Variants in SULT1A1 observed in about 807,000 individuals in gnomAD.
SULT1A1 encodes the protein sulfotransferase 1A1.
Under a neutral mutation model 36.8 loss-of-function variants are expected in SULT1A1, and 35 were observed. That is an observed-to-expected ratio of 0.95 (90% CI 0.73 to 1.26). The LOEUF (loss-of-function observed/expected upper bound fraction) is 1.26. SULT1A1 is among the 50% of genes most tolerant of loss of function. The probability of loss-of-function intolerance (pLI) is 0.00; values close to 1 mark genes in which losing one functional copy is unlikely to be tolerated. For synonymous variants in SULT1A1, 119 were observed against 146.0 expected (o/e 0.82, Z 1.33); for missense variants, 309 against 383.0 (o/e 0.81, Z 1.61).
upstream of SULT1A1, chr16:28,610,146 G>A (rs541203565): frequency 2.3e-6 from 3 of 1,285,752 alleles, no homozygotes; most frequent in South Asian, 3.7e-5. Context: ...TAGTGTGCCA[G>A]CTGGAGACAA....
intron 2 of SULT1A1, among the ~76,000 whole-genome samples, chr16:28,615,250 G>C (rs1483040329): frequency 2.6e-5 from 3 of 113,208 alleles, no homozygotes; most frequent in Admixed American, 9.6e-5. Flanking sequence ...AGGGAGCACC[G>C]GGTCCTTGCC....
chr16:28,610,735 T>C (rs1489830427), upstream of SULT1A1: 1 of 153,680 alleles, frequency 6.5e-6, no homozygotes, highest in Non-Finnish European at 1.5e-5. Context: ...TGGTTTTATT[T>C]CCCTGGGTTT....
chr16:28,614,072 AGCCCCAG>A (rs1408299137), upstream of SULT1A1: 6 of 200,990 alleles, frequency 3.0e-5, no homozygotes, highest in Admixed American at 6.1e-5. Context: ...GCTTCAGCCT[AGCCCCAG>A]GCCCTGCCCC....
rs1016797930 is a variant in SULT1A1, at chr16:28,609,150, T to C, written c.-4-291A>G. The C allele has an allele frequency of 3.5e-5, 49 of 1,388,354 alleles. 1 individual carries two copies. Among genetic ancestry groups the C allele is most frequent in the Non-Finnish European group, 4.4e-5 (47 of 1,067,958 alleles). The allele number at this position is 1,388,354 out of a possible 1,614,324, so 86.0% of individuals were successfully genotyped here. A position where few individuals can be genotyped will look rare whatever the true frequency, so the allele number is the denominator to read the frequency against. ...ACCCTCGTCGGGCAAGGCCCAGATGTCAGGGTGTGTGAAGGTCTCCAGGAG... is the reference window on the plus strand; with the variant it reads ...ACCCTCGTCGGGCAAGGCCCAGATGCCAGGGTGTGTGAAGGTCTCCAGGAG... On this transcript the variant is annotated intron_variant, in intron 1 of 7. Transcript: ENST00000314752.
intron 1 of SULT1A1, chr16:28,609,509 A>C: frequency 1.7e-5 from 15 of 883,284 alleles, no homozygotes; most frequent in Non-Finnish European, 2.1e-5. Context: ...CCCACCTATA[A>C]TCCCAGACCC....
rs1335315188 is a variant in SULT1A1, at chr16:28,607,049, T to A, written c.401A>T (p.Asp134Val). ...KVVYVARNAKDVAVSYYHFYH... is the reference protein window; with the variant it reads ...KVVYVARNAKVVAVSYYHFYH... ...GAAGTGGTAGTAGGAAACTGCCACATCCTTTGCGTTGCGGGCAACATAGAC... is the reference window on the plus strand; with the variant it reads ...GAAGTGGTAGTAGGAAACTGCCACAACCTTTGCGTTGCGGGCAACATAGAC... The change falls in exon 5 of 8, where the codon GAT becomes GTT. Residue 134 changes from aspartate (D) to valine (V), a missense_variant. Transcript: ENST00000314752. The A allele has an allele frequency of 6.2e-7, 1 of 1,612,440 alleles. No homozygotes were observed. Among genetic ancestry groups the A allele is most frequent in the Non-Finnish European group, 8.5e-7 (1 of 1,178,690 alleles).
intron 1 of SULT1A1, among the ~76,000 whole-genome samples, chr16:28,620,967 G>C (rs8049739): frequency 0.6 from 91,298 of 151,736 alleles, 28,513 homozygotes; most frequent in East Asian, 0.94. Flanking sequence ...AAAATTAGCT[G>C]GGTGTGGTGG....
chr16:28,605,365 G>T lies in SULT1A1; in HGVS notation c.*456C>A. ...AGCCCACTGCAGCCATAACCTCCCT[G>T]GCTCAGGCGATCCTCCTGCCTTCAC... is the stretch of plus-strand genomic sequence containing the variant. On this transcript the variant is annotated 3_prime_UTR_variant, in exon 8 of 8. Coordinates refer to ENST00000314752, the MANE Select transcript of SULT1A1 (RefSeq NM_001055.4). The T allele has an allele frequency of 3.7e-6, 1 of 271,304 alleles. No individual in the cohort carries two copies. Among genetic ancestry groups the T allele is most frequent in the Non-Finnish European group, 7.3e-6 (1 of 137,632 alleles). 16.8% of individuals were successfully genotyped at this position (271,304 alleles called of 1,614,324 possible).
chr16:28,605,814 G>A lies in SULT1A1; in HGVS notation c.*7C>T, dbSNP rs536362729. On this transcript the variant is annotated 3_prime_UTR_variant, in exon 8 of 8. Coordinates refer to ENST00000314752, the MANE Select transcript of SULT1A1 (RefSeq NM_001055.4). The stretch of plus-strand genomic sequence containing the variant: ...CACTCCCTCTGCAGTGACTCCAGGA[G>A]CCCCTCTCACAGCTCAGAGCGGAAG... 72 of 1,609,538 alleles carry A rather than the reference G, an allele frequency of 4.5e-5. 1 individual carries two copies. Among genetic ancestry groups the A allele is most frequent in the East Asian group, 3.1e-4 (14 of 44,856 alleles).
chr16:28,608,192 G>T, intron 4 of SULT1A1, 99 bp downstream of exon 4: 1 of 1,504,240 alleles, frequency 6.6e-7, no homozygotes, highest in Non-Finnish European at 9.1e-7. Flanking sequence ...CTTCTATGTT[G>T]CTCAGGGTGC....
intron 2 of SULT1A1, among the ~76,000 whole-genome samples, chr16:28,619,759 T>TATATCCAC (rs1174655324): frequency 3.4e-5 from 5 of 148,156 alleles, no homozygotes; most frequent in Admixed American, 6.8e-5. Flanking sequence ...TACATATATA[T>TATATCCAC]ATATAGACAC....
At chr16:28,620,450 G>A (rs1326098488) in intron 1 of SULT1A1, among the ~76,000 whole-genome samples, 1 of 151,360 alleles carries the variant, frequency 6.6e-6, no homozygotes, top group African/African-American at 2.4e-5. Context: ...TGTAGTCATA[G>A]TTACTCAGGA....
rs1198920401 is a variant in SULT1A1 at position 28,605,741 on chromosome 16, C to A, written c.*80G>T. The stretch of plus-strand genomic sequence containing the variant: ...CAGACATGACCTACCGTCCCGGGCC[C>A]TCAATTCATATTTTATTCTTGAGCC... On this transcript the variant is annotated 3_prime_UTR_variant, in exon 8 of 8. Coordinates refer to ENST00000314752, the MANE Select transcript of SULT1A1 (RefSeq NM_001055.4). The A allele has an allele frequency of 1.9e-5, 30 of 1,599,026 alleles. No individual in the cohort carries two copies. Among genetic ancestry groups the A allele is most frequent in the Non-Finnish European group, 2.5e-5 (29 of 1,171,668 alleles).
upstream of SULT1A1, chr16:28,611,271 G>A (rs546325376): frequency 6.6e-6 from 1 of 151,600 alleles, no homozygotes; most frequent in Non-Finnish European, 1.5e-5. Context: ...TTCACATGAG[G>A]AGAAGAAGGA....
rs536585393 is a variant in SULT1A1 at position 28,623,200 on chromosome 16, C to A, written c.-3G>T. ...TCGCACAGCAACTTGGCCAGCATGG[C>A]GCGCGGCGCTCGGCCCGGGAGCGCG... On this transcript the variant is annotated 5_prime_UTR_variant, in exon 1 of 6. Coordinates refer to the SULT1A1 transcript ENST00000350842. 18 of 1,546,500 alleles carry A rather than the reference C, an allele frequency of 1.2e-5. No homozygotes were observed. In the African/African-American group the frequency reaches 1.4e-4, roughly 12 times the overall value.
chr16:28,605,453 G>A lies in SULT1A1; in HGVS notation c.*368C>T, dbSNP rs2047137176. On this transcript the variant is annotated 3_prime_UTR_variant, in exon 8 of 8. Transcript: ENST00000314752. ...GTACAGATAATTTTCTCAAATTTTT[G>A]TAGGGATGATGTCTTGTAATGTTGA... is the stretch of plus-strand genomic sequence containing the variant. 1.1e-5 allele frequency: 4 copies of A among 355,004 alleles called. No homozygotes were observed. The highest frequency in any genetic ancestry group is 1.0e-4 in the South Asian group (4 of 39,540). 22.0% of individuals were successfully genotyped at this position (355,004 alleles called of 1,614,324 possible).
rs748658682 is a variant in SULT1A1, at chr16:28,608,806, C to T, written c.50G>A (p.Gly17Glu). 6 of 1,611,906 alleles carry T rather than the reference C, an allele frequency of 3.7e-6. No individual in the cohort carries two copies. Among genetic ancestry groups the T allele is most frequent in the South Asian group, 2.2e-5 (2 of 90,958 alleles). The change falls in exon 2 of 8, where the codon GGG (glycine) becomes GAG (glutamate). Residue 17 changes from glycine to glutamate, a missense_variant. Transcript: ENST00000314752. The part of the protein sequence containing the change: ...TSRPPLEYVK[G>E]VPLIKYFAEA... ...TGCAAAGTACTTGATGAGCGGGACC[C>T]CCTTCACGTACTCCAGTGGCGGGCG...
chr16:28,608,057 G>A (rs1377486615), intron 4 of SULT1A1: 8 of 555,750 alleles, frequency 1.4e-5, no homozygotes, highest in Non-Finnish European at 2.2e-5. Context: ...TGGGATCTCT[G>A]GCTCACCACA....
At chr16:28,622,343 C>T (rs1397972306) in intron 1 of SULT1A1, among the ~76,000 whole-genome samples, 1 of 152,104 alleles carries the variant, frequency 6.6e-6, no homozygotes, top group Non-Finnish European at 1.5e-5. Flanking sequence ...GTAACATTTC[C>T]ATTGTTCTTA....
Sources: gnomAD v4.1 joint callset for allele counts (sites outside exome capture counted in the v4.1 genomes callset) on GRCh38, gnomAD v4.1.1 for gene constraint, MANE v1.5 for transcripts, NCBI Gene and HGNC (gene_info 2026-07-23, HGNC 2026-07-21) for gene names.